The following RASEF variants were observed in gnomAD, a reference collection of about 807,000 sequenced individuals.
RASEF encodes RAS and EF-hand domain containing, also known as ras and EF-hand domain-containing protein.
Under a neutral mutation model 90.1 loss-of-function variants are expected in RASEF, and 68 were observed. The observed-to-expected ratio is 0.75, with a 90% CI of 0.62 to 0.92. RASEF has a LOEUF of 0.92. Ranked by LOEUF, RASEF falls within the 40% of genes least tolerant of loss-of-function variation. The pLI, the probability that RASEF is intolerant of heterozygous loss-of-function variation, is 0.00. For synonymous variants in RASEF, 331 were observed against 345.2 expected (o/e 0.96, Z 0.46); for missense variants, 949 against 937.2 (o/e 1.01, Z -0.16).
chr9:83,065,888 G>GTAGC (rs1436346684), upstream of RASEF, among the ~76,000 whole-genome samples: 4 of 152,264 alleles, frequency 2.6e-5, no homozygotes, highest in Non-Finnish European at 5.9e-5. Context: ...CCTCTAGTAG[G>GTAGC]TAGCTGCAGG....
the RASEF span, among the ~76,000 whole-genome samples, chr9:83,115,898 AC>A: frequency 1.3e-5 from 2 of 152,172 alleles, no homozygotes; most frequent in Non-Finnish European, 2.9e-5. Flanking sequence ...AAAAAAAGCT[AC>A]AACTATTTTT....
At chr9:83,100,349 A>G in the RASEF span, among the ~76,000 whole-genome samples, 1 of 152,224 alleles carries the variant, frequency 6.6e-6, no homozygotes, top group Non-Finnish European at 1.5e-5. Flanking sequence ...AAGCTAGTAA[A>G]AGATAAAACT....
chr9:82,990,488 C>A (rs368087208), intron 15 of RASEF, 21 bp from the exon 16 acceptor site: 3 of 1,559,562 alleles, frequency 1.9e-6, no homozygotes, highest in African/African-American at 2.7e-5. Flanking sequence ...GAAATACACA[C>A]AATTAAATGA....
At chr9:83,016,818 C>T (rs978665293) in intron 3 of RASEF, among the ~76,000 whole-genome samples, 5 of 152,150 alleles carry the variant, frequency 3.3e-5, no homozygotes, top group African/African-American at 7.2e-5. Context: ...CCAGAGGTAG[C>T]GTGTCTTACT....
Position 82,980,463 on chromosome 9 carries a change from C to T in RASEF, c.*2214G>A, listed in dbSNP as rs1409859737. On this transcript the variant is annotated 3_prime_UTR_variant, in exon 17 of 17. Transcript: ENST00000376447. ...AAGATGATTGGTTGACCATCAAAGGCACTGGTGTAATCTCATCAACGTGGC... is the reference window on the plus strand; with the variant it reads ...AAGATGATTGGTTGACCATCAAAGGTACTGGTGTAATCTCATCAACGTGGC... 1 of 152,048 alleles carries T rather than the reference C, an allele frequency of 6.6e-6. No homozygotes were observed. Among genetic ancestry groups the T allele is most frequent in the African/African-American group, 2.4e-5 (1 of 41,398 alleles). The allele number at this position is 152,048 out of a possible 1,614,324, so 9.4% of individuals were successfully genotyped here.
chr9:83,097,961 G>C, the RASEF span, among the ~76,000 whole-genome samples: 5 of 152,162 alleles, frequency 3.3e-5, no homozygotes, highest in Non-Finnish European at 7.4e-5. Context: ...CTATAAAATA[G>C]ATGTTATTTC....
At chr9:83,079,804 G>C in the RASEF span, among the ~76,000 whole-genome samples, 1 of 150,424 alleles carries the variant, frequency 6.6e-6, no homozygotes, top group African/African-American at 2.5e-5. Flanking sequence ...TAAAATAAGT[G>C]TATAGGTAGA....
At chr9:83,114,051 T>A in the RASEF span, among the ~76,000 whole-genome samples, 86 of 152,254 alleles carry the variant, frequency 5.6e-4, no homozygotes, top group Non-Finnish European at 9.7e-4. Flanking sequence ...CTCTTTGTAC[T>A]CTTTATTTCT....
the RASEF span, among the ~76,000 whole-genome samples, chr9:83,073,990 T>A: frequency 6.6e-6 from 1 of 152,280 alleles, no homozygotes; most frequent in East Asian, 1.9e-4. Context: ...AACTGAAAAA[T>A]AATGTATACC....
chr9:83,081,513 T>C, the RASEF span, among the ~76,000 whole-genome samples: 2 of 152,202 alleles, frequency 1.3e-5, no homozygotes, highest in Non-Finnish European at 2.9e-5. Context: ...ATTGAGCATT[T>C]TCATGAACAC....
chr9:83,088,372 G>GGATGGATA, the RASEF span, among the ~76,000 whole-genome samples: 39 of 147,478 alleles, frequency 2.6e-4, no homozygotes, highest in Non-Finnish European at 3.9e-4. Context: ...ATAGATAGAT[G>GGATGGATA]GATAGATAGA....
upstream of RASEF, among the ~76,000 whole-genome samples, chr9:83,066,707 A>G (rs943242031): frequency 2.0e-5 from 3 of 152,252 alleles, no homozygotes; most frequent in African/African-American, 7.2e-5. Context: ...TTCTCAAAGC[A>G]GTGAAAAGAC....
chr9:83,091,506 G>A, the RASEF span, among the ~76,000 whole-genome samples: 1 of 152,188 alleles, frequency 6.6e-6, no homozygotes, highest in African/African-American at 2.4e-5. Flanking sequence ...AGTGAGCCAA[G>A]ATTGCACCAC....
chr9:83,111,166 A>C, the RASEF span, among the ~76,000 whole-genome samples: 1 of 152,194 alleles, frequency 6.6e-6, no homozygotes, highest in Admixed American at 6.5e-5. Flanking sequence ...ACTTCTAAGA[A>C]AACAGTGTAA....
At position 83,062,699 on chromosome 9, in the gene RASEF, C is replaced by T. The variant is rs772879313; in HGVS notation, c.169G>A (p.Asp57Asn). 1.1e-5 allele frequency: 17 copies of T among 1,573,914 alleles called. No individual in the cohort carries two copies. The highest frequency in any genetic ancestry group is 1.3e-5 in the African/African-American group (1 of 74,212). The change falls in exon 1 of 17, where the codon GAC becomes AAC. Residue 57 changes from aspartate (D) to asparagine (N), a missense_variant. Transcript: ENST00000376447. Reference protein sequence around the residue: ...AEAVFQRLDADRDGAITFQEF... With the variant: ...AEAVFQRLDANRDGAITFQEF... ...TGGAAGGTGATGGCGCCGTCACGGT[C>T]GGCGTCCAGCCGCTGGAATACTGCC... is the stretch of plus-strand genomic sequence containing the variant.
At chr9:83,057,869 A>G (rs1830129445) in intron 1 of RASEF, among the ~76,000 whole-genome samples, 1 of 128,416 alleles carries the variant, frequency 7.8e-6, no homozygotes, top group Admixed American at 7.8e-5. Context: ...ATATATATAT[A>G]TATTCGTCTT....
chr9:83,157,757 A>G, the RASEF span, among the ~76,000 whole-genome samples: 1 of 152,230 alleles, frequency 6.6e-6, no homozygotes, highest in African/African-American at 2.4e-5. Flanking sequence ...AAATGAAAGC[A>G]CATATTTGAT....
In RASEF at chr9:82,998,413, T is replaced by C. The variant is rs1354346867; in HGVS notation, c.1757A>G (p.Asp586Gly). 2.5e-6 allele frequency: 4 copies of C among 1,613,202 alleles called. No individual in the cohort carries two copies. The highest frequency in any genetic ancestry group is 3.3e-5 in the Admixed American group (2 of 60,020). ...GAGCTGCAGAACTGTTCGTTCTCCA[T>C]CCACAATGAGGGTTTTCATTTGGAA... is the stretch of plus-strand genomic sequence containing the variant. ...VDFQMKTLIV[D>G]GERTVLQLWD... Residue 586 changes from aspartate (D) to glycine (G), a missense_variant, in exon 13 of 17, where the codon GAT (aspartate) becomes GGT (glycine). Around this residue, in one of 3 missense-constraint regions of RASEF, gnomAD observed 288 missense variants for 328.4 expected, o/e 0.88. Transcript: ENST00000376447.
chr9:83,176,744 G>A, the RASEF span, among the ~76,000 whole-genome samples: 10 of 151,778 alleles, frequency 6.6e-5, no homozygotes, highest in African/African-American at 2.2e-4. Flanking sequence ...ACCTATAAAT[G>A]TTACTCCTTT....
Sources: allele counts gnomAD v4.1 joint callset (sites outside exome capture counted in the v4.1 genomes callset), GRCh38; gene constraint gnomAD v4.1.1; regional missense constraint gnomAD v4.1.1; transcripts MANE v1.5; gene names NCBI Gene and HGNC (gene_info 2026-07-23, HGNC 2026-07-21).